The following PDIA6 variants were observed in gnomAD, a reference collection of about 807,000 sequenced individuals.
PDIA6 encodes the protein protein disulfide-isomerase A6.
A neutral mutation model predicts 58.4 loss-of-function variants in PDIA6; 29 were observed. The ratio of observed to expected loss-of-function variants is 0.50; its 90% CI spans 0.37 to 0.68. The LOEUF is 0.68. Among genes scored for constraint, PDIA6 ranks in the 30% least tolerant of loss-of-function variants. The pLI is 0.00. For synonymous variants in PDIA6, 192 were observed against 202.6 expected, an observed-to-expected ratio of 0.95 and a Z score of 0.44; for missense variants, 480 against 551.0, an observed-to-expected ratio of 0.87 and a Z score of 1.29.
intron 1 of PDIA6, among the ~76,000 whole-genome samples, chr2:10,819,805 C>T (rs556964457): frequency 3.9e-5 from 6 of 152,344 alleles, no homozygotes; most frequent in African/African-American, 1.4e-4. Flanking sequence ...TTACCTACAA[C>T]TTTCCCTTCT....
chr2:10,803,911 G>GTTTTTTTTTTTTTTTTTTTTTTTTTTTT (rs754643092), intron 1 of PDIA6, among the ~76,000 whole-genome samples: 1 of 117,892 alleles, frequency 8.5e-6, no homozygotes, highest in Non-Finnish European at 1.8e-5. Flanking sequence ...TAGTTTTTGT[G>GTTTTTTTTTTTTTTTTTTTTTTTTTTTT]TTTTTTTTTT....
At chr2:10,801,368 T>C (rs2148551673) in intron 2 of PDIA6, among the ~76,000 whole-genome samples, 1 of 152,360 alleles carries the variant, frequency 6.6e-6, no homozygotes, top group South Asian at 2.1e-4. Context: ...CTAGTGGATC[T>C]AGATCCTGCC....
chr2:10,834,210 C>T (rs573577124), upstream of PDIA6, among the ~76,000 whole-genome samples: 6 of 152,376 alleles, frequency 3.9e-5, no homozygotes, highest in South Asian at 1.2e-3. Context: ...GTGCCTCACT[C>T]TCCTTTCAGG....
chr2:10,787,804 C>G (rs1441164492), intron 10 of PDIA6, among the ~76,000 whole-genome samples: 1 of 152,182 alleles, frequency 6.6e-6, no homozygotes, highest in Non-Finnish European at 1.5e-5. Context: ...GTGGCTCACG[C>G]CTGTGATCCC....
chr2:10,837,189 G>C (rs1667846587), upstream of PDIA6, among the ~76,000 whole-genome samples: 1 of 152,170 alleles, frequency 6.6e-6, no homozygotes, highest in African/African-American at 2.4e-5. Flanking sequence ...GCGGCCCCCA[G>C]CAAGCTGGGC....
chr2:10,805,923 G>C (rs1412403270), intron 1 of PDIA6, among the ~76,000 whole-genome samples: 1 of 48,556 alleles, frequency 2.1e-5, no homozygotes, highest in Non-Finnish European at 4.6e-5. Context: ...GGTGGGGGGA[G>C]GGGGGAGGGA....
chr2:10,792,956 CG>C (rs1346515586), intron 5 of PDIA6, 139 bp downstream of exon 5: 9 of 647,224 alleles, frequency 1.4e-5, no homozygotes, highest in Admixed American at 4.8e-5. Flanking sequence ...CCTCTGGGAT[CG>C]GTGGATCCAA....
chr2:10,809,670 A>AAAAAC lies in PDIA6; in HGVS notation c.19+3007_19+3008insGTTTT, dbSNP rs1666921782. Among the ~76,000 whole-genome samples the AAAAAC allele has an allele frequency of 1.8e-4, 26 of 147,636 alleles. 1 individual carries two copies. The highest frequency in any genetic ancestry group is 3.2e-3 in the Middle Eastern group (1 of 312). ...CAAAAAAAAAAAAAAAAAAAAAAAAAAACCCAAAAAATAGGATAATCTTCT... is the reference window on the plus strand; with the variant it reads ...CAAAAAAAAAAAAAAAAAAAAAAAAAAAAACAACCCAAAAAATAGGATAATCTTCT... On this transcript the variant is annotated intron_variant, in intron 1 of 12. Transcript: ENST00000272227.
At chr2:10,823,597 A>G (rs1010719693) in intron 1 of PDIA6, among the ~76,000 whole-genome samples, 1 of 152,236 alleles carries the variant, frequency 6.6e-6, no homozygotes. Context: ...ACCAAAACAT[A>G]TTCAAAATCT....
upstream of PDIA6, among the ~76,000 whole-genome samples, chr2:10,836,402 G>A (rs1185098505): frequency 6.6e-6 from 1 of 151,970 alleles, no homozygotes; most frequent in Non-Finnish European, 1.5e-5. Context: ...TTTTAGAGAC[G>A]GAGTCTCACA....
intron 2 of PDIA6, among the ~76,000 whole-genome samples, chr2:10,799,867 G>GTTT (rs1558447465): frequency 1.5e-4 from 22 of 149,842 alleles, no homozygotes; most frequent in African/African-American, 4.2e-4. Context: ...GACTCCCAAA[G>GTTT]GGCTGGTGGA....
chr2:10,821,134 C>T (rs1667378481), intron 1 of PDIA6: 1 of 354,336 alleles, frequency 2.8e-6, no homozygotes, highest in Admixed American at 4.3e-5. Context: ...TATTGCCCAT[C>T]CTTTATGGCC....
chr2:10,811,014 C>T (rs1666979650), intron 1 of PDIA6, among the ~76,000 whole-genome samples: 1 of 152,192 alleles, frequency 6.6e-6, no homozygotes, highest in African/African-American at 2.4e-5. Flanking sequence ...AGTAACATCT[C>T]TGTCCCACAT....
At chr2:10,816,365 C>T (rs533844047), upstream of PDIA6, among the ~76,000 whole-genome samples, 4 of 150,310 alleles carry the variant, frequency 2.7e-5, no homozygotes, top group Middle Eastern at 3.5e-3. Context: ...GGATTATAGG[C>T]GTGGGCCACC....
At chr2:10,816,526 C>T (rs75575075), upstream of PDIA6, among the ~76,000 whole-genome samples, 14,835 of 133,634 alleles carry the variant, frequency 0.11, 1,035 homozygotes, top group African/African-American at 0.18. Context: ...TTTGTGCTTT[C>T]TTTTTTTTTT....
intron 1 of PDIA6, among the ~76,000 whole-genome samples, chr2:10,829,114 T>G (rs1229652242): frequency 1.3e-5 from 2 of 152,226 alleles, no homozygotes; most frequent in Non-Finnish European, 2.9e-5. Flanking sequence ...GAGAATCTGC[T>G]TACCCGGTGT....
At chr2:10,814,213 TGGA>T (rs1667120243), upstream of PDIA6, among the ~76,000 whole-genome samples, 1 of 152,176 alleles carries the variant, frequency 6.6e-6, no homozygotes, top group Non-Finnish European at 1.5e-5. Context: ...GTGGGCTTCC[TGGA>T]GGAAGTGGCA....
chr2:10,785,275 G>GTAAGT (rs1665664342), intron 11 of PDIA6, among the ~76,000 whole-genome samples: 1 of 152,176 alleles, frequency 6.6e-6, no homozygotes, highest in Non-Finnish European at 1.5e-5. Flanking sequence ...GTTGCTATCA[G>GTAAGT]TAAGCTTTTA....
At chr2:10,829,308 C>T (rs1470992764) in intron 1 of PDIA6, among the ~76,000 whole-genome samples, 6 of 152,190 alleles carry the variant, frequency 3.9e-5, no homozygotes, top group Non-Finnish European at 7.4e-5. Context: ...CAGCTCCCAG[C>T]GCTGTTGGCT....
Sources: gnomAD v4.1 joint callset for allele counts (sites outside exome capture counted in the v4.1 genomes callset) on GRCh38, gnomAD v4.1.1 for gene constraint, MANE v1.5 for transcripts, NCBI Gene and HGNC (gene_info 2026-07-23, HGNC 2026-07-21) for gene names.